The following CNTNAP2 variants were observed in gnomAD, a reference collection of about 807,000 sequenced individuals.
CNTNAP2 encodes the protein contactin-associated protein-like 2.
CNTNAP2 carries 98 observed loss-of-function variants against 155.2 expected under a neutral mutation model. The observed-to-expected ratio is 0.63, with a 90% confidence interval of 0.54 to 0.75. The LOEUF is 0.75. Ranked by LOEUF, CNTNAP2 falls within the 30% of genes least tolerant of loss-of-function variation. The pLI, the probability that CNTNAP2 is intolerant of heterozygous loss-of-function variation, is 0.00. For missense variants in CNTNAP2, 1,727 were observed against 1,688.1 expected (o/e 1.02, Z -0.40); for synonymous variants, 651 against 631.2 (o/e 1.03, Z -0.47).
At chr7:146,359,392 C>G (rs549912272) in intron 1 of CNTNAP2, among the ~76,000 whole-genome samples, 1 of 152,178 alleles carries the variant, frequency 6.6e-6, no homozygotes, top group African/African-American at 2.4e-5. Context: ...TTGGCTTCCA[C>G]GATCTCTAAA....
chr7:147,173,305 T>C (rs1010289368), intron 8 of CNTNAP2, among the ~76,000 whole-genome samples: 12 of 152,220 alleles, frequency 7.9e-5, no homozygotes, highest in Admixed American at 5.9e-4. Flanking sequence ...TAACAAATCC[T>C]TTCTCCTGTC....
chr7:147,231,758 G>A (rs536229527), intron 8 of CNTNAP2, among the ~76,000 whole-genome samples: 3 of 152,208 alleles, frequency 2.0e-5, no homozygotes, highest in African/African-American at 7.2e-5. Context: ...CAGGTCCTTG[G>A]CCCATTTTTG....
At chr7:146,876,487 A>G (rs1211439761) in intron 3 of CNTNAP2, among the ~76,000 whole-genome samples, 2 of 152,196 alleles carry the variant, frequency 1.3e-5, no homozygotes, top group Non-Finnish European at 2.9e-5. Context: ...TCCTTCCTAG[A>G]AAAATATTTG....
At chr7:146,438,148 T>G (rs1718090) in intron 1 of CNTNAP2, among the ~76,000 whole-genome samples, 5,617 of 151,466 alleles carry the variant, frequency 0.037, 596 homozygotes, top group African/African-American at 0.13. Flanking sequence ...ATGTATATCT[T>G]ACTAGCAAGC....
intron 1 of CNTNAP2, chr7:146,195,170 T>C (rs1247021034): frequency 5.9e-5 from 9 of 152,248 alleles, no homozygotes; most frequent in Admixed American, 5.2e-4. Context: ...CTTTGCTTGC[T>C]GCAGTATTTA....
At chr7:146,990,909 A>G (rs1166443633) in intron 3 of CNTNAP2, among the ~76,000 whole-genome samples, 1 of 152,058 alleles carries the variant, frequency 6.6e-6, no homozygotes, top group Non-Finnish European at 1.5e-5. Context: ...GTTTAGCTGG[A>G]GTGTCGTGCC....
At chr7:146,937,596 G>A (rs959408683) in intron 3 of CNTNAP2, among the ~76,000 whole-genome samples, 3 of 152,040 alleles carry the variant, frequency 2.0e-5, no homozygotes, top group African/African-American at 7.2e-5. Flanking sequence ...TATAAAAAGT[G>A]GCTGGGACAA....
chr7:146,579,719 C>T (rs1428135225), intron 1 of CNTNAP2, among the ~76,000 whole-genome samples: 4 of 152,082 alleles, frequency 2.6e-5, no homozygotes, highest in Non-Finnish European at 5.9e-5. Flanking sequence ...ATTTCCACCC[C>T]CTCACATGAA....
intron 1 of CNTNAP2, among the ~76,000 whole-genome samples, chr7:146,307,186 C>A (rs1161781145): frequency 6.6e-6 from 1 of 152,182 alleles, no homozygotes; most frequent in East Asian, 1.9e-4. Flanking sequence ...ACACCAATAA[C>A]AGACAAACAG....
intron 1 of CNTNAP2, among the ~76,000 whole-genome samples, chr7:146,143,022 C>G (rs980371179): frequency 2.6e-5 from 4 of 152,102 alleles, no homozygotes; most frequent in South Asian, 2.1e-4. Context: ...TAAAATCAAG[C>G]CTCTCAAATG....
intron 4 of CNTNAP2, among the ~76,000 whole-genome samples, chr7:147,085,520 C>T (rs1800256929): frequency 1.3e-5 from 2 of 152,198 alleles, no homozygotes; most frequent in Non-Finnish European, 2.9e-5. Context: ...AACCCACCCC[C>T]AAGCCCAACC....
intron 8 of CNTNAP2, among the ~76,000 whole-genome samples, chr7:147,197,686 G>T (rs1802834053): frequency 6.6e-6 from 1 of 152,140 alleles, no homozygotes; most frequent in Admixed American, 6.5e-5. Flanking sequence ...CATTTGGTGT[G>T]ATTAACTGAT....
At chr7:147,863,502 C>T (rs965002371) in intron 13 of CNTNAP2, among the ~76,000 whole-genome samples, 3 of 152,266 alleles carry the variant, frequency 2.0e-5, no homozygotes, top group South Asian at 2.1e-4. Flanking sequence ...AAGGAATTAC[C>T]GCACTGTCTT....
chr7:146,430,912 A>G (rs919699767), intron 1 of CNTNAP2, among the ~76,000 whole-genome samples: 1 of 152,070 alleles, frequency 6.6e-6, no homozygotes, highest in East Asian at 1.9e-4. Flanking sequence ...GGAACAGTTA[A>G]TCTATTCGTC....
chr7:148,302,860 C>G (rs930894894), intron 21 of CNTNAP2, among the ~76,000 whole-genome samples: 10 of 143,844 alleles, frequency 7.0e-5, no homozygotes, highest in Non-Finnish European at 1.4e-4. Context: ...TCTCTGTCAC[C>G]CAGGCTGGAG....
chr7:148,272,427 G>C (rs527497265), intron 21 of CNTNAP2, among the ~76,000 whole-genome samples: 2 of 152,280 alleles, frequency 1.3e-5, no homozygotes, highest in East Asian at 3.9e-4. Flanking sequence ...GGGGTGTTCT[G>C]TTTGCTCATG....
chr7:147,454,214 G>A (rs975129219), intron 10 of CNTNAP2, among the ~76,000 whole-genome samples: 3 of 152,068 alleles, frequency 2.0e-5, no homozygotes, highest in Non-Finnish European at 4.4e-5. Flanking sequence ...ATTTTCCCAT[G>A]CCATACATTT....
At chr7:146,649,846 T>C (rs1381834273) in intron 1 of CNTNAP2, among the ~76,000 whole-genome samples, 4 of 151,880 alleles carry the variant, frequency 2.6e-5, no homozygotes, top group Non-Finnish European at 4.4e-5. Context: ...TAAAGAGAAA[T>C]ATACAGAATC....
chr7:148,153,493 C>T (rs1805344230), intron 17 of CNTNAP2, among the ~76,000 whole-genome samples: 1 of 152,172 alleles, frequency 6.6e-6, no homozygotes, highest in African/African-American at 2.4e-5. Flanking sequence ...GAGTGTCCAG[C>T]ATATGACGAG....
Sources: allele counts gnomAD v4.1 joint callset (sites outside exome capture counted in the v4.1 genomes callset), GRCh38; gene constraint gnomAD v4.1.1; transcripts MANE v1.5; gene names NCBI Gene and HGNC (gene_info 2026-07-23, HGNC 2026-07-21).